AOAH: variants seen among roughly 807,000 people sequenced by gnomAD.
The protein encoded by AOAH is acyloxyacyl hydrolase (neutrophil).
In AOAH, 64 loss-of-function variants were observed where a neutral mutation model predicts 92.2. That is an observed-to-expected ratio of 0.69 (90% CI 0.57 to 0.86). The LOEUF is 0.86. Ranked by LOEUF, AOAH falls within the 40% of genes least tolerant of loss-of-function variation. AOAH has a pLI of 0.00. For synonymous variants in AOAH, 263 were observed against 254.5 expected (o/e 1.03, Z -0.32); for missense variants, 656 against 694.6 (o/e 0.94, Z 0.62).
At chr7:36,680,976 T>A (rs1796605572) in intron 2 of AOAH, among the ~76,000 whole-genome samples, 1 of 151,126 alleles carries the variant, frequency 6.6e-6, no homozygotes, top group Non-Finnish European at 1.5e-5. Context: ...CCAGCAATCT[T>A]GTTTTGGGTT....
chr7:36,685,231 C>T (rs1208890372), intron 2 of AOAH, among the ~76,000 whole-genome samples: 3 of 152,128 alleles, frequency 2.0e-5, no homozygotes, highest in Non-Finnish European at 4.4e-5. Flanking sequence ...GGAAAGGAAA[C>T]TTATAGATTA....
intron 12 of AOAH, among the ~76,000 whole-genome samples, chr7:36,582,560 T>G (rs1000320106): frequency 1.3e-5 from 2 of 152,206 alleles, no homozygotes; most frequent in Non-Finnish European, 2.9e-5. Flanking sequence ...AAAATCACTT[T>G]TTCTGAGAGC....
intron 4 of AOAH, 37 bp from the exon 5 acceptor site, chr7:36,637,947 TTTTATC>T (rs1245414794): frequency 1.4e-5 from 21 of 1,521,924 alleles, no homozygotes; most frequent in Non-Finnish European, 1.9e-5. Flanking sequence ...ACAACTCATG[TTTTATC>T]TTTTCTTCCT....
chr7:36,539,024 T>A (rs916929535), intron 16 of AOAH, among the ~76,000 whole-genome samples: 2 of 152,168 alleles, frequency 1.3e-5, no homozygotes, highest in African/African-American at 4.8e-5. Context: ...AGGCGGAATT[T>A]CCTGAGGGAG....
Position 36,512,963 on chromosome 7 carries a change from G to T in AOAH, c.*289C>A. ...TAAGTGTTTTTAGAAACTCCTTTTA[G>T]AACAATTAGCTGTAAAGGGCACAGA... On this transcript the variant is annotated 3_prime_UTR_variant, in exon 21 of 21. Transcript: ENST00000617537. The T allele has an allele frequency of 2.3e-6, 3 of 1,295,326 alleles. No individual in the cohort carries two copies. The highest frequency in any genetic ancestry group is 3.1e-6 in the Non-Finnish European group (3 of 952,426). 80.2% of individuals were successfully genotyped at this position (1,295,326 alleles called of 1,614,324 possible).
chr7:36,524,103 A>G (rs1784258625), intron 19 of AOAH, among the ~76,000 whole-genome samples: 1 of 152,044 alleles, frequency 6.6e-6, no homozygotes, highest in Non-Finnish European at 1.5e-5. Context: ...TTGCTTCACC[A>G]AAGTTCTTGA....
intron 20 of AOAH, among the ~76,000 whole-genome samples, chr7:36,515,993 A>G (rs2115697875): frequency 7.2e-6 from 1 of 138,640 alleles, no homozygotes; most frequent in East Asian, 2.3e-4. Context: ...CACATCACGC[A>G]TACATACACC....
intron 4 of AOAH, among the ~76,000 whole-genome samples, chr7:36,642,042 G>T (rs887656903): frequency 7.2e-5 from 11 of 152,112 alleles, no homozygotes; most frequent in African/African-American, 2.7e-4. Flanking sequence ...TGCTATTATG[G>T]GTTGAATTTT....
intron 12 of AOAH, among the ~76,000 whole-genome samples, chr7:36,585,250 G>A (rs761960732): frequency 2.0e-5 from 3 of 151,982 alleles, no homozygotes; most frequent in Non-Finnish European, 4.4e-5. Context: ...CAAAGACAAC[G>A]GGCGATGCCT....
intron 4 of AOAH, among the ~76,000 whole-genome samples, chr7:36,644,597 G>C (rs1794114085): frequency 6.6e-6 from 1 of 152,134 alleles, no homozygotes; most frequent in Admixed American, 6.5e-5. Flanking sequence ...TTTAAGGTAT[G>C]GTGAATTGCA....
chr7:36,549,663 CCTT>C (rs1463024986), intron 13 of AOAH, among the ~76,000 whole-genome samples, 188 bp from the exon 14 acceptor site: 1 of 152,140 alleles, frequency 6.6e-6, no homozygotes, highest in African/African-American at 2.4e-5. Context: ...CTGGAACTCT[CCTT>C]AAGGGCTTTT....
intron 7 of AOAH, among the ~76,000 whole-genome samples, chr7:36,622,652 C>T (rs758918083): frequency 1.4e-4 from 21 of 152,318 alleles, no homozygotes; most frequent in Non-Finnish European, 2.2e-4. Flanking sequence ...AACCATAGCC[C>T]CCATGGAGAC....
chr7:36,515,884 C>T (rs921946072), intron 20 of AOAH, among the ~76,000 whole-genome samples: 1 of 130,718 alleles, frequency 7.7e-6, no homozygotes, highest in African/African-American at 2.9e-5. Flanking sequence ...ACACCACACA[C>T]CATGCACACC....
intron 20 of AOAH, among the ~76,000 whole-genome samples, chr7:36,515,572 C>CACAT (rs1783605398): frequency 8.7e-6 from 1 of 115,430 alleles, no homozygotes; most frequent in Non-Finnish European, 1.7e-5. Flanking sequence ...ATCACACCCC[C>CACAT]CCCACACACC....
At chr7:36,556,349 C>T (rs1388634175) in intron 13 of AOAH, among the ~76,000 whole-genome samples, 3 of 152,048 alleles carry the variant, frequency 2.0e-5, no homozygotes, top group African/African-American at 4.8e-5. Flanking sequence ...GTCTGAGAGA[C>T]AGTTTGTTAT....
At chr7:36,671,794 C>T (rs1353905395) in intron 3 of AOAH, among the ~76,000 whole-genome samples, 1 of 151,852 alleles carries the variant, frequency 6.6e-6, no homozygotes, top group South Asian at 2.1e-4. Flanking sequence ...GCAGAAACCT[C>T]CTGGTGTGTG....
At chr7:36,703,720 G>A (rs776535870) in intron 1 of AOAH, among the ~76,000 whole-genome samples, 6 of 151,936 alleles carry the variant, frequency 3.9e-5, no homozygotes, top group South Asian at 2.1e-4. Flanking sequence ...CAAAGGACAC[G>A]AAGTCATTGG....
intron 11 of AOAH, among the ~76,000 whole-genome samples, chr7:36,615,413 C>T (rs973330900): frequency 6.6e-6 from 1 of 152,148 alleles, no homozygotes; most frequent in Non-Finnish European, 1.5e-5. Flanking sequence ...GCTGAGGGCA[C>T]CTGTACTTTT....
chr7:36,608,975 A>G (rs909848107), intron 11 of AOAH, among the ~76,000 whole-genome samples: 2 of 151,876 alleles, frequency 1.3e-5, no homozygotes, highest in African/African-American at 4.8e-5. Flanking sequence ...ATGGCTCTTT[A>G]GTAGTCTCCA....
Sources: gnomAD v4.1 joint callset for allele counts (sites outside exome capture counted in the v4.1 genomes callset) on GRCh38, gnomAD v4.1.1 for gene constraint, MANE v1.5 for transcripts, NCBI Gene and HGNC (gene_info 2026-07-23, HGNC 2026-07-21) for gene names.